Variants in KATNIP observed in about 807,000 individuals in gnomAD.
KATNIP encodes katanin-interacting protein.
Under a neutral mutation model 174.0 loss-of-function variants are expected in KATNIP, and 126 were observed. That is an observed-to-expected ratio of 0.72 (90% CI 0.63 to 0.84). KATNIP has a LOEUF of 0.84. KATNIP is among the 40% of genes least tolerant of loss of function. The pLI is 0.00. For synonymous variants in KATNIP, 810 were observed against 835.7 expected, an observed-to-expected ratio of 0.97 and a Z score of 0.53; for missense variants, 1,958 against 2,109.7, an observed-to-expected ratio of 0.93 and a Z score of 1.41.
At chr16:27,720,304 TG>T (rs1203630405) in intron 13 of KATNIP, among the ~76,000 whole-genome samples, 2 of 151,990 alleles carry the variant, frequency 1.3e-5, no homozygotes, top group African/African-American at 4.8e-5. Context: ...TTGGCCAGGC[TG>T]GTCTCGAGCT....
At chr16:27,677,613 T>G in intron 6 of KATNIP, 116 bp from the exon 7 acceptor site, 1 of 1,085,160 alleles carries the variant, frequency 9.2e-7, no homozygotes, top group East Asian at 2.5e-5. Context: ...GTTGAGATAA[T>G]ATTGTTAAAT....
At chr16:27,770,165 C>T in intron 21 of KATNIP, 147 bp downstream of exon 21, 1 of 974,096 alleles carries the variant, frequency 1.0e-6, no homozygotes, top group Non-Finnish European at 1.5e-6. Flanking sequence ...TAAAGCTCAG[C>T]CAAGCCTCAC....
intron 2 of KATNIP, among the ~76,000 whole-genome samples, chr16:27,608,211 G>A (rs983957308): frequency 2.0e-5 from 3 of 150,464 alleles, no homozygotes. Flanking sequence ...TAATAACATG[G>A]CCATTGGTAA....
At chr16:27,739,850 A>G (rs1045991779) in intron 14 of KATNIP, among the ~76,000 whole-genome samples, 191 bp from the exon 15 acceptor site, 1 of 152,218 alleles carries the variant, frequency 6.6e-6, no homozygotes, top group Non-Finnish European at 1.5e-5. Flanking sequence ...CCTTTGATTT[A>G]TAGAGTATGT....
intron 14 of KATNIP, among the ~76,000 whole-genome samples, chr16:27,731,951 T>C (rs549744332): frequency 5.3e-5 from 8 of 152,176 alleles, no homozygotes; most frequent in Non-Finnish European, 1.2e-4. Flanking sequence ...GCGACCGTTG[T>C]CACTGGAGAG....
chr16:27,618,511 G>A lies in KATNIP; in HGVS notation c.140+10G>A, dbSNP rs1331902483. ...TTCAGCAGAGGAACCGGTAAGAGAA[G>A]CCACTCGACGGCAGCCCTTGATATT... On this transcript the variant is annotated intron_variant, in intron 3 of 27. Coordinates refer to ENST00000261588, the MANE Select transcript of KATNIP (RefSeq NM_015202.5). 3.1e-6 allele frequency: 5 copies of A among 1,588,712 alleles called. No homozygotes were observed. Among genetic ancestry groups the A allele is most frequent in the African/African-American group, 1.3e-5 (1 of 74,440 alleles).
At chr16:27,690,883 G>A (rs1489814180) in intron 8 of KATNIP, among the ~76,000 whole-genome samples, 1 of 152,080 alleles carries the variant, frequency 6.6e-6, no homozygotes, top group Non-Finnish European at 1.5e-5. Context: ...ACTGTTCCAG[G>A]GTTGCCAGAT....
intron 21 of KATNIP, among the ~76,000 whole-genome samples, chr16:27,770,815 G>A (rs1228584642): frequency 6.6e-6 from 1 of 152,208 alleles, no homozygotes; most frequent in African/African-American, 2.4e-5. Flanking sequence ...GGGAACTGAG[G>A]CTCTGGCTGG....
intron 8 of KATNIP, among the ~76,000 whole-genome samples, chr16:27,683,316 A>G (rs570533900): frequency 1.3e-5 from 2 of 152,324 alleles, no homozygotes; most frequent in South Asian, 4.1e-4. Context: ...AAGTACCACA[A>G]TCAGAGTGGC....
chr16:27,571,551 C>T (rs2090295722), intron 1 of KATNIP, among the ~76,000 whole-genome samples: 1 of 152,224 alleles, frequency 6.6e-6, no homozygotes, highest in African/African-American at 2.4e-5. Flanking sequence ...GCTGTGTGGC[C>T]AGCAAAGCAA....
intron 2 of KATNIP, among the ~76,000 whole-genome samples, chr16:27,618,213 A>G (rs2076095097): frequency 6.6e-6 from 1 of 152,170 alleles, no homozygotes; most frequent in Admixed American, 6.5e-5. Flanking sequence ...TCCTTTTCAT[A>G]GATGATTAAA....
chr16:27,752,717 GT>G (rs531737118), intron 17 of KATNIP, among the ~76,000 whole-genome samples: 3 of 149,522 alleles, frequency 2.0e-5, no homozygotes, highest in African/African-American at 4.9e-5. Flanking sequence ...TGCCTGGCTA[GT>G]TTTTTTTTTA....
At chr16:27,627,489 T>C (rs1044467990) in intron 3 of KATNIP, among the ~76,000 whole-genome samples, 3 of 152,196 alleles carry the variant, frequency 2.0e-5, no homozygotes, top group Admixed American at 6.5e-5. Flanking sequence ...GAAACACACA[T>C]ACACAAGGTT....
intron 13 of KATNIP, among the ~76,000 whole-genome samples, chr16:27,720,064 CTG>C (rs1369992992): frequency 6.6e-6 from 1 of 152,102 alleles, no homozygotes; most frequent in African/African-American, 2.4e-5. Context: ...AAACAAATAC[CTG>C]TGTAAGCCAG....
At chr16:27,731,913 G>A (rs1025344682) in intron 14 of KATNIP, among the ~76,000 whole-genome samples, 9 of 152,082 alleles carry the variant, frequency 5.9e-5, no homozygotes, top group South Asian at 2.1e-4. Context: ...GAGTTACTGC[G>A]CCTGGCACAG....
At chr16:27,675,114 G>A (rs1221047597) in intron 6 of KATNIP, among the ~76,000 whole-genome samples, 1 of 152,220 alleles carries the variant, frequency 6.6e-6, no homozygotes, top group Non-Finnish European at 1.5e-5. Context: ...AGACATACCT[G>A]AGACTGGGTA....
At chr16:27,578,517 G>A (rs934512324) in intron 2 of KATNIP, among the ~76,000 whole-genome samples, 3 of 152,166 alleles carry the variant, frequency 2.0e-5, no homozygotes, top group African/African-American at 7.2e-5. Flanking sequence ...TCCAGGGAGT[G>A]CCAGAGGAGG....
intron 1 of KATNIP, among the ~76,000 whole-genome samples, chr16:27,552,376 T>A (rs1226690273): frequency 6.6e-6 from 1 of 150,936 alleles, no homozygotes; most frequent in Non-Finnish European, 1.5e-5. Flanking sequence ...GTTTCTTTTT[T>A]CTTTTTTTTT....
At chr16:27,569,973 C>A (rs2090226928) in intron 1 of KATNIP, among the ~76,000 whole-genome samples, 1 of 152,090 alleles carries the variant, frequency 6.6e-6, no homozygotes, top group Non-Finnish European at 1.5e-5. Context: ...GTCTTGAACT[C>A]CTGGCCTCCA....
Sources: gnomAD v4.1 joint callset for allele counts (sites outside exome capture counted in the v4.1 genomes callset) on GRCh38, gnomAD v4.1.1 for gene constraint, MANE v1.5 for transcripts, NCBI Gene and HGNC (gene_info 2026-07-23, HGNC 2026-07-21) for gene names.